The following KPNA3 variants were observed in gnomAD, a reference collection of about 807,000 sequenced individuals.
KPNA3 encodes karyopherin subunit alpha 3.
KPNA3 carries 13 observed loss-of-function variants against 73.8 expected under a neutral mutation model. That is an observed-to-expected ratio of 0.18 (90% CI 0.11 to 0.28). KPNA3 has a LOEUF of 0.28. Among genes scored for constraint, KPNA3 ranks in the 10% least tolerant of loss-of-function variants. The pLI is 1.00. For synonymous variants in KPNA3, 186 were observed against 206.9 expected (o/e 0.90, Z 0.87); for missense variants, 360 against 618.1 (o/e 0.58, Z 4.43).
chr13:49,721,599 C>T (rs1157525638), intron 9 of KPNA3, among the ~76,000 whole-genome samples: 1 of 152,102 alleles, frequency 6.6e-6, no homozygotes, highest in Non-Finnish European at 1.5e-5. Context: ...GCGGGCAGAT[C>T]ACGAGGTCAG....
intron 1 of KPNA3, among the ~76,000 whole-genome samples, chr13:49,774,003 T>G (rs1295456097): frequency 6.6e-6 from 1 of 152,010 alleles, no homozygotes; most frequent in Non-Finnish European, 1.5e-5. Context: ...CCTCCCAGGC[T>G]CAGGTGATCC....
chr13:49,768,272 C>CT (rs1236154547), intron 1 of KPNA3, among the ~76,000 whole-genome samples: 1 of 118,498 alleles, frequency 8.4e-6, no homozygotes, highest in East Asian at 3.1e-4. Flanking sequence ...GTGCGAGACT[C>CT]TGTCTCAAAA....
intron 1 of KPNA3, among the ~76,000 whole-genome samples, chr13:49,757,743 T>A (rs1954723613): frequency 6.6e-6 from 1 of 152,178 alleles, no homozygotes; most frequent in African/African-American, 2.4e-5. Context: ...AACAGCTTTA[T>A]TCTTAATAGC....
rs77798597 is a variant in KPNA3 at position 49,716,844 on chromosome 13, T to C, written c.771+2931A>G. Among the ~76,000 whole-genome samples, 1,416 of 152,272 alleles carry C rather than the reference T, an allele frequency of 9.3e-3. 18 individuals carry two copies. The highest frequency in any genetic ancestry group is 0.032 in the African/African-American group (1,326 of 41,542). On this transcript the variant is annotated intron_variant, in intron 10 of 16. Transcript: ENST00000261667. ...TACATTTTTAGCCCTCCTTCCGAAA[T>C]ACAGCCTCCTCCAGGTGATCTCATT...
chr13:49,784,446 A>C (rs1294760104), intron 1 of KPNA3, among the ~76,000 whole-genome samples: 1 of 152,236 alleles, frequency 6.6e-6, no homozygotes, highest in African/African-American at 2.4e-5. Flanking sequence ...TTAATAAAAG[A>C]AAACTGACCC....
chr13:49,769,938 C>T lies in KPNA3; in HGVS notation c.69+22500G>A, dbSNP rs181007673. 9.2e-5 allele frequency among the ~76,000 whole-genome samples: 14 copies of T among 152,198 alleles called. No individual in the cohort carries two copies. The East Asian group carries it at 1.4e-3, about 15-fold the overall frequency. Reference sequence around the variant, plus strand: ...GTTTGATTTTAGCCATTTTAGTGTACGTGAAATGATATCTCTTGCTTTTGA... The same window carrying T: ...GTTTGATTTTAGCCATTTTAGTGTATGTGAAATGATATCTCTTGCTTTTGA... On this transcript the variant is annotated intron_variant, in intron 1 of 16. Coordinates refer to ENST00000261667, the MANE Select transcript of KPNA3 (RefSeq NM_002267.4).
chr13:49,786,339 T>C (rs1954982385), intron 1 of KPNA3, among the ~76,000 whole-genome samples: 1 of 152,164 alleles, frequency 6.6e-6, no homozygotes, highest in Non-Finnish European at 1.5e-5. Flanking sequence ...TTAATAGCTA[T>C]ACAAACACAG....
chr13:49,718,813 TA>T (rs1342165608), intron 10 of KPNA3, among the ~76,000 whole-genome samples: 1 of 152,168 alleles, frequency 6.6e-6, no homozygotes, highest in East Asian at 1.9e-4. Flanking sequence ...GCAAATGAGC[TA>T]GAGTAATGTG....
At chr13:49,712,807 G>A (rs1425034658) in intron 10 of KPNA3, among the ~76,000 whole-genome samples, 1 of 151,012 alleles carries the variant, frequency 6.6e-6, no homozygotes, top group Non-Finnish European at 1.5e-5. Context: ...AAGAATAAAG[G>A]TAACCACTAG....
chr13:49,736,360 T>A (rs2137558861), intron 2 of KPNA3, among the ~76,000 whole-genome samples: 1 of 152,324 alleles, frequency 6.6e-6, no homozygotes. Flanking sequence ...TTAAAACAAA[T>A]TTTTTAAAAT....
At chr13:49,762,122 G>T (rs1164752796) in intron 1 of KPNA3, among the ~76,000 whole-genome samples, 3 of 114,350 alleles carry the variant, frequency 2.6e-5, no homozygotes, top group Non-Finnish European at 4.8e-5. Context: ...GGCAGCCCCC[G>T]CCCGGCCAGC....
At chr13:49,729,375 G>GA (rs1954440321) in intron 6 of KPNA3, among the ~76,000 whole-genome samples, 1 of 151,840 alleles carries the variant, frequency 6.6e-6, no homozygotes, top group African/African-American at 2.4e-5. Flanking sequence ...ACTTAAATGA[G>GA]AAAATGGATA....
At chr13:49,707,243 C>T (rs921651514) in intron 12 of KPNA3, among the ~76,000 whole-genome samples, 12 of 152,108 alleles carry the variant, frequency 7.9e-5, no homozygotes, top group African/African-American at 2.2e-4. Flanking sequence ...GTCATAAACA[C>T]GTCTGTGAGC....
At chr13:49,718,650 T>A (rs964594883) in intron 10 of KPNA3, among the ~76,000 whole-genome samples, 1 of 152,220 alleles carries the variant, frequency 6.6e-6, no homozygotes. Flanking sequence ...GATATTATCT[T>A]ATATGTCTTT....
intron 9 of KPNA3, among the ~76,000 whole-genome samples, chr13:49,721,140 A>T (rs1434719854): frequency 6.6e-6 from 1 of 151,746 alleles, no homozygotes; most frequent in Non-Finnish European, 1.5e-5. Flanking sequence ...ACTCGCTTGA[A>T]CCCAGGAGGC....
intron 2 of KPNA3, among the ~76,000 whole-genome samples, chr13:49,733,533 C>A (rs1954491085): frequency 6.6e-6 from 1 of 152,220 alleles, no homozygotes; most frequent in South Asian, 2.1e-4. Flanking sequence ...AAGTGATCCG[C>A]TTGCCGCGGC....
At position 49,701,083 on chromosome 13, in the gene KPNA3, G is replaced by A. The variant is rs554159680; in HGVS notation, c.*717C>T. On this transcript the variant is annotated 3_prime_UTR_variant, in exon 17 of 17. Transcript: ENST00000261667. ...AGAGAGTGGTCAAATAGGGCTTGCT[G>A]TTCTCAAAAATTAGGTATAATGGCA... 1.9e-5 allele frequency: 3 copies of A among 157,546 alleles called. No homozygotes were observed. Among genetic ancestry groups the A allele is most frequent in the Non-Finnish European group, 2.8e-5 (2 of 71,512 alleles). The allele number at this position is 157,546 out of a possible 1,614,324, so 9.8% of individuals were successfully genotyped here. A position where few individuals can be genotyped will look rare whatever the true frequency, so the allele number is the denominator to read the frequency against.
At chr13:49,721,168 G>A (rs1028855273) in intron 9 of KPNA3, among the ~76,000 whole-genome samples, 1 of 150,936 alleles carries the variant, frequency 6.6e-6, no homozygotes, top group African/African-American at 2.4e-5. Context: ...GCAGTGAGCT[G>A]AGATCATGCC....
intron 10 of KPNA3, among the ~76,000 whole-genome samples, chr13:49,715,626 GAT>G (rs1954297156): frequency 1.3e-5 from 2 of 152,036 alleles, no homozygotes; most frequent in Non-Finnish European, 2.9e-5. Context: ...AAAAAGAAAA[GAT>G]ATAAGAATAA....
Sources: gnomAD v4.1 joint callset for allele counts (sites outside exome capture counted in the v4.1 genomes callset) on GRCh38, gnomAD v4.1.1 for gene constraint, MANE v1.5 for transcripts, NCBI Gene and HGNC (gene_info 2026-07-23, HGNC 2026-07-21) for gene names.